Variants in PCDHA3 observed in about 807,000 individuals in gnomAD.
The protein encoded by PCDHA3 is protocadherin alpha 3, also known as protocadherin alpha-3.
PCDHA3 carries 41 observed loss-of-function variants against 62.2 expected under a neutral mutation model. That is an observed-to-expected ratio of 0.66 (90% CI 0.51 to 0.86). The LOEUF (loss-of-function observed/expected upper bound fraction) is 0.86, where lower values mean the gene tolerates loss of function less well. Ranked by LOEUF, PCDHA3 falls within the 40% of genes least tolerant of loss-of-function variation. The probability of loss-of-function intolerance (pLI) is 0.00; values close to 1 mark genes in which losing one functional copy is unlikely to be tolerated. For missense variants in PCDHA3, 1,304 were observed against 1,241.2 expected (o/e 1.05, Z -0.76); for synonymous variants, 640 against 555.4 (o/e 1.15, Z -2.14).
chr5:140,859,198 T>C lies in PCDHA3; in HGVS notation c.2394+55607T>C, dbSNP rs1554152210. 2.0e-5 allele frequency: 3 copies of C among 149,984 alleles called. 1 individual carries two copies. The highest frequency in any genetic ancestry group is 7.3e-5 in the African/African-American group (3 of 40,916). The allele number at this position is 149,984 out of a possible 1,614,324, so 9.3% of individuals were successfully genotyped here. A position where few individuals can be genotyped will look rare whatever the true frequency, so the allele number is the denominator to read the frequency against. ...CAGCATTAGGCATTGCTTATGATAT[T>C]CAGGTATTAGCTCTTTCACTTTAAG... On this transcript the variant is annotated intron_variant, in intron 1 of 3. Coordinates refer to ENST00000522353, the MANE Select transcript of PCDHA3 (RefSeq NM_018906.3).
intron 1 of PCDHA3, chr5:140,822,814 C>T: frequency 8.1e-6 from 13 of 1,614,100 alleles, no homozygotes; most frequent in South Asian, 2.2e-5. Context: ...TGATAATACC[C>T]CAGAGATGGC....
At chr5:140,830,665 G>A (rs1771194311) in intron 1 of PCDHA3, 1 of 389,586 alleles carries the variant, frequency 2.6e-6, no homozygotes, top group Non-Finnish European at 4.2e-6. Context: ...TAATTTAAGT[G>A]AAATTAGAAA....
chr5:140,869,504 C>G (rs959374162), intron 1 of PCDHA3: 1 of 1,614,200 alleles, frequency 6.2e-7, no homozygotes, highest in Admixed American at 1.7e-5. Context: ...CCGGTGTTCT[C>G]GCTCAGAGAA....
intron 1 of PCDHA3, chr5:140,967,558 C>G (rs1554229674): frequency 6.2e-7 from 1 of 1,614,050 alleles, no homozygotes; most frequent in South Asian, 1.1e-5. Flanking sequence ...CTTATCGCGT[C>G]CAGCTACGGG....
At chr5:140,987,880 T>A (rs2097271532) in intron 3 of PCDHA3, among the ~76,000 whole-genome samples, 1 of 152,112 alleles carries the variant, frequency 6.6e-6, no homozygotes, top group Non-Finnish European at 1.5e-5. Context: ...AAATGGACAG[T>A]TTATGTGCCC....
chr5:140,966,826 G>T, intron 1 of PCDHA3: 5 of 1,560,694 alleles, frequency 3.2e-6, no homozygotes, highest in Non-Finnish European at 4.3e-6. Context: ...GGCGGCCCAT[G>T]CCCTGGCTGC....
intron 1 of PCDHA3, chr5:140,869,322 C>T (rs1169893950): frequency 1.9e-6 from 3 of 1,613,818 alleles, no homozygotes; most frequent in East Asian, 4.5e-5. Flanking sequence ...CACATGGGGA[C>T]CTTCTGGAGG....
At chr5:140,844,109 T>A (rs1779229208) in intron 1 of PCDHA3, among the ~76,000 whole-genome samples, 1 of 149,768 alleles carries the variant, frequency 6.7e-6, no homozygotes, top group Non-Finnish European at 1.5e-5. Flanking sequence ...CCATATGCTG[T>A]ACTTTGAAAT....
At chr5:140,883,504 C>G in intron 1 of PCDHA3, 1 of 1,614,172 alleles carries the variant, frequency 6.2e-7, no homozygotes, top group East Asian at 2.2e-5. Context: ...TGGACAGCGC[C>G]CTGGACCGCG....
intron 1 of PCDHA3, chr5:140,834,672 G>C (rs2150223944): frequency 8.1e-6 from 13 of 1,614,118 alleles, no homozygotes; most frequent in Middle Eastern, 1.6e-4. Context: ...GGAGCTGTGC[G>C]GGCGGAGCGC....
At chr5:140,908,248 C>G (rs2073877594) in intron 1 of PCDHA3, among the ~76,000 whole-genome samples, 2 of 152,154 alleles carry the variant, frequency 1.3e-5, no homozygotes, top group South Asian at 4.1e-4. Context: ...TCCTCATCAA[C>G]TGATCATAGG....
rs2150151779 is a variant in PCDHA3, at chr5:140,828,170, G to A, written c.2394+24579G>A. 3 of 1,614,168 alleles carry A rather than the reference G, an allele frequency of 1.9e-6. 1 individual carries two copies. The Admixed American group carries it at 5.0e-5, about 27-fold the overall frequency. ...TCTGCTCCTCGCAGCCTGGAAGGTGGGGAGCGGCCAGCTCCACTACTCCGT... is the reference window on the plus strand; with the variant it reads ...TCTGCTCCTCGCAGCCTGGAAGGTGAGGAGCGGCCAGCTCCACTACTCCGT... On this transcript the variant is annotated intron_variant, in intron 1 of 3. Transcript: ENST00000522353.
Position 140,803,587 on chromosome 5 carries a change from C to T in PCDHA3, c.2390C>T (p.Ala797Val), listed in dbSNP as rs782182345. 5 of 1,614,056 alleles carry T rather than the reference C, an allele frequency of 3.1e-6. No individual in the cohort carries two copies. The highest frequency in any genetic ancestry group is 2.7e-5 in the African/African-American group (2 of 74,918). The change falls in exon 1 of 4, where the codon GCC becomes GTC. Residue 797 changes from alanine to valine, a missense_variant. Ala to Val is a moderately conservative substitution (Grantham distance 64, BLOSUM62 0). Coordinates refer to ENST00000522353, the MANE Select transcript of PCDHA3 (RefSeq NM_018906.3). ...EKQDVDVDLSAKPRQPNPDWR... is the reference protein window; with the variant it reads ...EKQDVDVDLSVKPRQPNPDWR... Reference sequence around the variant, plus strand: ...CAGGATGTGGACGTTGATCTCTCAGCCAAAGTGAGTAATTTTTATTTATTC... The same window carrying T: ...CAGGATGTGGACGTTGATCTCTCAGTCAAAGTGAGTAATTTTTATTTATTC...
Position 140,809,694 on chromosome 5 carries a change from A to G in PCDHA3, c.2394+6103A>G, listed in dbSNP as rs1581705402. On this transcript the variant is annotated intron_variant, in intron 1 of 3. Transcript: ENST00000522353. ...AAATTTTACCTCTTTTTACATATCC[A>G]TTTTAACTAAAGTCTTTTGGAATTA... 2.5e-6 allele frequency: 3 copies of G among 1,188,996 alleles called. No homozygotes were observed. The South Asian group carries it at 4.7e-5, about 19-fold the overall frequency. 73.7% of individuals were successfully genotyped at this position (1,188,996 alleles called of 1,614,324 possible). A position where few individuals can be genotyped will look rare whatever the true frequency, so the allele number is the denominator to read the frequency against.
In PCDHA3 at chr5:140,823,956, C is replaced by G. The variant is rs2150130724; in HGVS notation, c.2394+20365C>G. ...CGCTGCGGTGCTCGGCGCAGCCCAC[C>G]GAGGCCGTGTGCACACGGGGCAAGC... On this transcript the variant is annotated intron_variant, in intron 1 of 3. Transcript: ENST00000522353. The G allele has an allele frequency of 3.7e-6, 6 of 1,613,908 alleles. No individual in the cohort carries two copies. In the African/African-American group the frequency reaches 6.7e-5, roughly 18 times the overall value.
intron 1 of PCDHA3, among the ~76,000 whole-genome samples, chr5:140,972,262 C>G (rs116021362): frequency 0.021 from 3,220 of 151,618 alleles, 50 homozygotes; most frequent in Non-Finnish European, 0.033. Context: ...ACATCAGCCT[C>G]CTGAGTAGCT....
chr5:140,844,883 C>T (rs932765025), intron 1 of PCDHA3, among the ~76,000 whole-genome samples: 1 of 149,278 alleles, frequency 6.7e-6, no homozygotes, highest in African/African-American at 2.5e-5. Flanking sequence ...CATTAGACTT[C>T]GTGCATATTG....
At position 140,802,860 on chromosome 5, in the gene PCDHA3, G is replaced by C. The variant is rs1241489643; in HGVS notation, c.1663G>C (p.Val555Leu). 3 of 1,613,714 alleles carry C rather than the reference G, an allele frequency of 1.9e-6. No homozygotes were observed. In the African/African-American group the frequency reaches 4.0e-5, roughly 21 times the overall value. The change falls in exon 1 of 4, where the codon GTG (valine) becomes CTG (leucine). Residue 555 changes from valine (V) to leucine (L), a missense_variant. Val to Leu is a conservative substitution (Grantham distance 32). Transcript: ENST00000522353. The stretch of plus-strand genomic sequence containing the variant: ...CAGCAACGTGACGCTGCAGGTGTTC[G>C]TGCTGGACGAGAACGACAACGCGCC... ...LGSNVTLQVF[V>L]LDENDNAPAL...
At position 140,802,258 on chromosome 5, in the gene PCDHA3, C is replaced by T. The variant is rs782045341; in HGVS notation, c.1061C>T (p.Ser354Leu). ...AATGTACCTGAGTTAGTTATTCAAT[C>T]ACTATCTTTACCTGTATTAGAAGAC... is the stretch of plus-strand genomic sequence containing the variant. ...NDNVPELVIQ[S>L]LSLPVLEDSP... is the part of the protein sequence containing the mutation. The change falls in exon 1 of 4, where the codon TCA (serine) becomes TTA (leucine). Residue 354 changes from serine to leucine, a missense_variant. Transcript: ENST00000522353. 6.2e-7 allele frequency: 1 copy of T among 1,614,238 alleles called. No homozygotes were observed. The highest frequency in any genetic ancestry group is 8.5e-7 in the Non-Finnish European group (1 of 1,180,038).
Sources: allele counts gnomAD v4.1 joint callset (sites outside exome capture counted in the v4.1 genomes callset), GRCh38; gene constraint gnomAD v4.1.1; transcripts MANE v1.5; gene names NCBI Gene and HGNC (gene_info 2026-07-23, HGNC 2026-07-21).